Variants in TSHZ2 observed in about 807,000 individuals in gnomAD.
TSHZ2 encodes teashirt homolog 2.
In TSHZ2, 21 loss-of-function variants were observed where a neutral mutation model predicts 74.4. The observed-to-expected ratio is 0.28, with a 90% CI of 0.20 to 0.41. The LOEUF (loss-of-function observed/expected upper bound fraction) is 0.41, where lower values mean the gene tolerates loss of function less well. TSHZ2 is among the 10% of genes least tolerant of loss of function. The pLI is 1.00. For missense variants in TSHZ2, 1,244 were observed against 1,293.5 expected, an observed-to-expected ratio of 0.96 and a Z score of 0.59; for synonymous variants, 540 against 515.3, an observed-to-expected ratio of 1.05 and a Z score of -0.65.
chr20:53,190,040 A>T (rs1988690014), intron 1 of TSHZ2, among the ~76,000 whole-genome samples: 1 of 129,932 alleles, frequency 7.7e-6, no homozygotes, highest in Non-Finnish European at 1.6e-5. Flanking sequence ...AGCCATGATC[A>T]TGCCACTGTA....
At chr20:53,025,576 C>G (rs1476960208) in intron 1 of TSHZ2, among the ~76,000 whole-genome samples, 1 of 152,204 alleles carries the variant, frequency 6.6e-6, no homozygotes, top group African/African-American at 2.4e-5. Flanking sequence ...CCCGCCCCAC[C>G]CCTGGGTGCC....
At chr20:53,197,768 C>T (rs1052838678) in intron 1 of TSHZ2, among the ~76,000 whole-genome samples, 1 of 152,216 alleles carries the variant, frequency 6.6e-6, no homozygotes, top group Non-Finnish European at 1.5e-5. Context: ...CCAGAACAGA[C>T]AAACATTTGA....
At chr20:53,235,452 G>A (rs769375290) in intron 1 of TSHZ2, among the ~76,000 whole-genome samples, 7 of 152,206 alleles carry the variant, frequency 4.6e-5, no homozygotes, top group African/African-American at 9.6e-5. Flanking sequence ...TTACAGGTGC[G>A]AGCCACCACC....
intron 2 of TSHZ2, among the ~76,000 whole-genome samples, chr20:53,390,475 C>T (rs1328858575): frequency 6.6e-6 from 1 of 152,158 alleles, no homozygotes; most frequent in Non-Finnish European, 1.5e-5. Context: ...TTGTTATCTC[C>T]ATGCTTAGCA....
intron 1 of TSHZ2, among the ~76,000 whole-genome samples, chr20:53,051,478 C>A (rs1225897617): frequency 6.6e-6 from 1 of 151,808 alleles, no homozygotes; most frequent in African/African-American, 2.4e-5. Context: ...CACACACACA[C>A]ACACACACAC....
rs1310127904 is a variant in TSHZ2 at position 53,210,906 on chromosome 20, G to T, written c.41-42593G>T. Among the ~76,000 whole-genome samples, 4 of 152,144 alleles carry T rather than the reference G, an allele frequency of 2.6e-5. No individual in the cohort carries two copies. The East Asian group carries it at 7.7e-4, about 29-fold the overall frequency. ...ATGACAAAGGGGTTTATGAGATTGG[G>T]TTCCTACTTTAAATATTTCTGCAGT... On this transcript the variant is annotated intron_variant, in intron 1 of 2. Transcript: ENST00000371497.
chr20:53,368,934 AG>A (rs1337703402), intron 2 of TSHZ2, among the ~76,000 whole-genome samples: 1 of 152,212 alleles, frequency 6.6e-6, no homozygotes, highest in African/African-American at 2.4e-5. Flanking sequence ...AGTAGCAACA[AG>A]GGCCGTAAGA....
chr20:53,197,007 C>T (rs1206109699), intron 1 of TSHZ2, among the ~76,000 whole-genome samples: 1 of 152,348 alleles, frequency 6.6e-6, no homozygotes, highest in Non-Finnish European at 1.5e-5. Flanking sequence ...AAGTTGCCTT[C>T]CTCCTTCCTA....
At chr20:52,985,531 A>T (rs1349266611) in intron 1 of TSHZ2, among the ~76,000 whole-genome samples, 3 of 152,214 alleles carry the variant, frequency 2.0e-5, no homozygotes, top group Non-Finnish European at 2.9e-5. Flanking sequence ...TCAAGCATTA[A>T]TACCAGTGAA....
At chr20:53,260,277 C>T (rs1406277368) in intron 2 of TSHZ2, among the ~76,000 whole-genome samples, 1 of 152,158 alleles carries the variant, frequency 6.6e-6, no homozygotes. Context: ...CACAAACAGC[C>T]GTATGAAGTA....
At chr20:53,177,387 T>A (rs1988368823) in intron 1 of TSHZ2, among the ~76,000 whole-genome samples, 1 of 152,242 alleles carries the variant, frequency 6.6e-6, no homozygotes, top group African/African-American at 2.4e-5. Context: ...TTAATGTGCG[T>A]ATGAATCTAC....
chr20:53,483,325 G>A (rs921771256), intron 2 of TSHZ2, among the ~76,000 whole-genome samples: 19 of 151,922 alleles, frequency 1.3e-4, no homozygotes, highest in African/African-American at 4.4e-4. Context: ...TGAGGTGGGA[G>A]GATCCCCTGA....
chr20:53,173,984 A>G (rs1988263997), intron 1 of TSHZ2, among the ~76,000 whole-genome samples: 1 of 152,170 alleles, frequency 6.6e-6, no homozygotes, highest in Non-Finnish European at 1.5e-5. Context: ...ACACATACAG[A>G]CAGACATACA....
At chr20:53,171,340 A>G (rs1988196013) in intron 1 of TSHZ2, among the ~76,000 whole-genome samples, 3 of 152,252 alleles carry the variant, frequency 2.0e-5, no homozygotes, top group Admixed American at 2.0e-4. Flanking sequence ...TAAATCGCAC[A>G]TTTCAGACAG....
intron 2 of TSHZ2, among the ~76,000 whole-genome samples, chr20:53,327,893 G>A (rs191568451): frequency 4.9e-4 from 75 of 152,352 alleles, no homozygotes; most frequent in African/African-American, 1.7e-3. Context: ...TCAGCCACAC[G>A]GAGAGCAGCA....
At chr20:53,287,945 G>T (rs1478458615) in intron 2 of TSHZ2, among the ~76,000 whole-genome samples, 1 of 152,058 alleles carries the variant, frequency 6.6e-6, no homozygotes, top group Non-Finnish European at 1.5e-5. Flanking sequence ...TATTGGAGAA[G>T]ATTAAAGTCT....
At chr20:53,266,983 G>A (rs1990733871) in intron 2 of TSHZ2, among the ~76,000 whole-genome samples, 1 of 152,146 alleles carries the variant, frequency 6.6e-6, no homozygotes, top group African/African-American at 2.4e-5. Flanking sequence ...TCACCATGTT[G>A]GCCAGGCTGA....
At chr20:53,001,016 A>T (rs1170427289) in intron 1 of TSHZ2, among the ~76,000 whole-genome samples, 1 of 152,162 alleles carries the variant, frequency 6.6e-6, no homozygotes, top group Non-Finnish European at 1.5e-5. Context: ...TAGTTCAGCC[A>T]GGAGTGGAAG....
intron 1 of TSHZ2, among the ~76,000 whole-genome samples, chr20:53,053,306 T>G (rs1984536058): frequency 6.6e-6 from 1 of 152,210 alleles, no homozygotes; most frequent in Non-Finnish European, 1.5e-5. Flanking sequence ...TTGATGGACA[T>G]TTGGGTTGTT....
Sources: gnomAD v4.1 joint callset for allele counts (sites outside exome capture counted in the v4.1 genomes callset) on GRCh38, gnomAD v4.1.1 for gene constraint, MANE v1.5 for transcripts, NCBI Gene and HGNC (gene_info 2026-07-23, HGNC 2026-07-21) for gene names.